The following MITD1 variants were observed in gnomAD, a reference collection of about 807,000 sequenced individuals.
The protein encoded by MITD1 is microtubule interacting and trafficking domain containing 1.
A neutral mutation model predicts 34.9 loss-of-function variants in MITD1; 24 were observed. The observed-to-expected ratio is 0.69, with a 90% CI of 0.50 to 0.97. The LOEUF (loss-of-function observed/expected upper bound fraction) is 0.97. Ranked by LOEUF, MITD1 falls within the 50% of genes least tolerant of loss-of-function variation. MITD1 has a pLI of 0.00. For missense variants in MITD1, 266 were observed against 294.6 expected (o/e 0.90, Z 0.71); for synonymous variants, 102 against 101.4 (o/e 1.01, Z -0.04).
chr2:99,169,097 T>C (rs923951802), downstream of MITD1, among the ~76,000 whole-genome samples: 2 of 151,882 alleles, frequency 1.3e-5, no homozygotes, highest in Non-Finnish European at 2.9e-5. Flanking sequence ...ATCTTCCTAA[T>C]AGATGCTTAT....
intron 1 of MITD1, among the ~76,000 whole-genome samples, chr2:99,178,768 G>T (rs13000731): frequency 0.51 from 77,241 of 151,870 alleles, 21,556 homozygotes; most frequent in Middle Eastern, 0.71. Context: ...TTACTCCTTT[G>T]TAAAAACCTT....
chr2:99,173,729 C>G, intron 2 of MITD1, 186 bp downstream of exon 2: 1 of 600,560 alleles, frequency 1.7e-6, no homozygotes, highest in Non-Finnish European at 3.0e-6. Context: ...AAAGCCAAAA[C>G]AAACAAACAA....
downstream of MITD1, among the ~76,000 whole-genome samples, chr2:99,169,042 C>A (rs899076429): frequency 2.8e-5 from 4 of 144,244 alleles, no homozygotes; most frequent in African/African-American, 1.0e-4. Context: ...GGTGTCTTTC[C>A]CTCCTGGACT....
Position 99,169,476 on chromosome 2 carries a change from A to T in MITD1, c.655-6T>A. On this transcript the variant is annotated splice_region_variant and splice_polypyrimidine_tract_variant and intron_variant, in intron 6 of 6. Transcript: ENST00000289359. ...TATCCAAGGGAAAAACGACTCTAAG[A>T]AGAGAAGAAAAGAGTATCATTAAAA... is the stretch of plus-strand genomic sequence containing the variant. 1 of 1,606,778 alleles carries T rather than the reference A, an allele frequency of 6.2e-7. No homozygotes were observed. Among genetic ancestry groups the T allele is most frequent in the South Asian group, 1.1e-5 (1 of 90,044 alleles).
chr2:99,163,212 T>G (rs2105204069), intron 7 of MITD1: 1 of 542,530 alleles, frequency 1.8e-6, no homozygotes, highest in East Asian at 3.3e-5. Flanking sequence ...CAACCTAGTC[T>G]CTTTCAGTAA....
chr2:99,162,279 C>CATGAT (rs1351097491), intron 7 of MITD1: 1 of 1,612,140 alleles, frequency 6.2e-7, no homozygotes, highest in Non-Finnish European at 8.5e-7. Context: ...AACAGTCTAC[C>CATGAT]ATGATATGGG....
At chr2:99,162,537 A>G (rs781307961) in intron 7 of MITD1, 1 of 1,614,184 alleles carries the variant, frequency 6.2e-7, no homozygotes, top group East Asian at 2.2e-5. Context: ...TTCTTTGCTA[A>G]AGAGCCCTTA....
rs756614231 is a variant in MITD1 at position 99,169,660 on chromosome 2, A to G, written c.594-50T>C. ...ATATTCAAGACATTTAAGTCAGACT[A>G]TTAATAAAGCTGTAGTGTATTAAGT... is the stretch of plus-strand genomic sequence containing the variant. On this transcript the variant is annotated intron_variant, in intron 5 of 6. Coordinates refer to ENST00000289359, the MANE Select transcript of MITD1 (RefSeq NM_138798.3). 8 of 1,455,400 alleles carry G rather than the reference A, an allele frequency of 5.5e-6. 1 individual carries two copies. The highest frequency in any genetic ancestry group is 1.4e-5 in the African/African-American group (1 of 71,774). 90.2% of individuals were successfully genotyped at this position (1,455,400 alleles called of 1,614,324 possible).
chr2:99,162,965 T>C, intron 7 of MITD1: 1 of 1,613,928 alleles, frequency 6.2e-7, no homozygotes, highest in Non-Finnish European at 8.5e-7. Context: ...GCAGTAAGTT[T>C]TGCCCAACTG....
chr2:99,178,994 C>G (rs921658061), intron 1 of MITD1, among the ~76,000 whole-genome samples: 6 of 152,202 alleles, frequency 3.9e-5, no homozygotes, highest in Non-Finnish European at 1.5e-5. Context: ...TCCTCCAAAG[C>G]CCCAATCAAA....
chr2:99,180,866 T>C lies in MITD1; in HGVS notation c.116A>G (p.Gln39Arg), dbSNP rs2093915112. Residue 39 changes from glutamine (Q) to arginine (R), a missense_variant, in exon 1 of 7, where the codon CAA becomes CGA. Gln to Arg is a conservative substitution (Grantham distance 43). Transcript: ENST00000289359. The part of the protein sequence containing the change: ...SRYPQALVCY[Q>R]EGIDLLLQVL... ...CTGCAGGAGCAGATCAATCCCCTCT[T>C]GGTAACACACCAGAGCCTGCGGATA... The C allele has an allele frequency of 6.2e-7, 1 of 1,614,096 alleles. No homozygotes were observed. Among genetic ancestry groups the C allele is most frequent in the African/African-American group, 1.3e-5 (1 of 74,936 alleles).
rs369008435 is a variant in MITD1, at chr2:99,171,621, T to A, written c.279A>T (p.Lys93Asn). Residue 93 changes from lysine to asparagine, a missense_variant, in exon 3 of 7, where the codon AAA (lysine) becomes AAT (asparagine). By Grantham distance (94) the Lys-to-Asn change is moderately conservative. Coordinates refer to ENST00000289359, the MANE Select transcript of MITD1 (RefSeq NM_138798.3). ...KEDGKYHKQI[K>N]IEENATGFSY... is the part of the protein sequence containing the mutation. ...TGAAACCTGTTGCATTCTCTTCTAT[T>A]TTAATTTGCTTGTGATATTTTCCAT... The A allele has an allele frequency of 3.1e-6, 5 of 1,613,422 alleles. No individual in the cohort carries two copies. The highest frequency in any genetic ancestry group is 4.2e-6 in the Non-Finnish European group (5 of 1,179,704).
chr2:99,169,900 A>C (rs2093846077), intron 5 of MITD1, among the ~76,000 whole-genome samples: 1 of 152,198 alleles, frequency 6.6e-6, no homozygotes, highest in Non-Finnish European at 1.5e-5. Context: ...TATTCAGGGA[A>C]ACTGGTGGTG....
intron 2 of MITD1, chr2:99,173,436 G>A: frequency 2.1e-6 from 1 of 467,544 alleles, no homozygotes; most frequent in Non-Finnish European, 4.5e-6. Context: ...CATTAGGAAT[G>A]CTTAACTCCT....
intron 1 of MITD1, among the ~76,000 whole-genome samples, chr2:99,176,212 G>A (rs552517528): frequency 5.3e-5 from 8 of 152,082 alleles, no homozygotes; most frequent in Admixed American, 2.0e-4. Flanking sequence ...TTGGCCTTCC[G>A]AAGTGCTGGG....
rs773077891 is a variant in MITD1 at position 99,181,014 on chromosome 2, G to T, written c.-33C>A. 1 of 1,601,054 alleles carries T rather than the reference G, an allele frequency of 6.2e-7. No individual in the cohort carries two copies. Among genetic ancestry groups the T allele is most frequent in the Non-Finnish European group, 8.5e-7 (1 of 1,172,976 alleles). The stretch of plus-strand genomic sequence containing the variant: ...GAAGTTCTCCTCCGCCTCAACCCAG[G>T]ATGAAGTTGAGCGGGTCTGCTGCGC... On this transcript the variant is annotated 5_prime_UTR_variant, in exon 1 of 7. Transcript: ENST00000289359.
downstream of MITD1, among the ~76,000 whole-genome samples, chr2:99,165,563 T>C (rs1398916277): frequency 2.0e-5 from 3 of 152,182 alleles, no homozygotes; most frequent in Non-Finnish European, 2.9e-5. Context: ...CGCATATAAA[T>C]AGTATTTTAA....
chr2:99,167,299 AT>A (rs889294080), downstream of MITD1, among the ~76,000 whole-genome samples: 17 of 152,282 alleles, frequency 1.1e-4, no homozygotes, highest in African/African-American at 3.8e-4. Context: ...CAGGAATACA[AT>A]TTGTCTTTCT....
chr2:99,172,416 TATG>T (rs1245269229), intron 2 of MITD1: 1 of 151,314 alleles, frequency 6.6e-6, no homozygotes, highest in African/African-American at 2.4e-5. Context: ...TGCAGTATAA[TATG>T]AAGCTTCAAA....
Sources: allele counts gnomAD v4.1 joint callset (sites outside exome capture counted in the v4.1 genomes callset), GRCh38; gene constraint gnomAD v4.1.1; transcripts MANE v1.5; gene names NCBI Gene and HGNC (gene_info 2026-07-23, HGNC 2026-07-21).